Variants in PCP4 observed in about 807,000 individuals in gnomAD.
PCP4 encodes the protein Purkinje cell protein 4.
In PCP4, 8 loss-of-function variants were observed where a neutral mutation model predicts 10.0. The observed-to-expected ratio is 0.80, with a 90% CI of 0.47 to 1.45. The LOEUF (loss-of-function observed/expected upper bound fraction) is 1.45, where lower values mean the gene tolerates loss of function less well. Ranked by LOEUF, PCP4 falls within the 40% of genes most tolerant of loss-of-function variation. The pLI is 0.00. For synonymous variants in PCP4, 21 were observed against 23.0 expected, an observed-to-expected ratio of 0.91 and a Z score of 0.24; for missense variants, 54 against 74.4, an observed-to-expected ratio of 0.73 and a Z score of 1.01.
chr21:39,889,609 G>C (rs554400155), intron 1 of PCP4, among the ~76,000 whole-genome samples: 1 of 151,350 alleles, frequency 6.6e-6, no homozygotes, highest in East Asian at 2.0e-4. Context: ...GTAGAGATGG[G>C]GTTTCACTGT....
At chr21:39,907,562 G>A (rs765331632) in intron 2 of PCP4, among the ~76,000 whole-genome samples, 33 of 152,270 alleles carry the variant, frequency 2.2e-4, no homozygotes, top group Admixed American at 4.6e-4. Flanking sequence ...TTGGGAGGCC[G>A]AGGTGGGTGG....
chr21:39,898,280 C>A, intron 1 of PCP4, 196 bp from the exon 2 acceptor site: 1 of 643,766 alleles, frequency 1.6e-6, no homozygotes, highest in Non-Finnish European at 2.8e-6. Flanking sequence ...ATGAGGGGGC[C>A]GGTCTGTGCA....
rs568921415 is a variant in PCP4 at position 39,880,782 on chromosome 21, G to A, written c.9+13272G>A. Among the ~76,000 whole-genome samples, 9 of 152,272 alleles carry A rather than the reference G, an allele frequency of 5.9e-5. No individual in the cohort carries two copies. The South Asian group carries it at 6.2e-4, about 11-fold the overall frequency. The stretch of plus-strand genomic sequence containing the variant: ...TAAAGAGGTCTACCTTAGTAATTCC[G>A]GGATCAATATGTGCAGATAGGAAGT... On this transcript the variant is annotated intron_variant, in intron 1 of 2. Coordinates refer to ENST00000328619, the MANE Select transcript of PCP4 (RefSeq NM_006198.3).
intron 1 of PCP4, among the ~76,000 whole-genome samples, chr21:39,877,134 A>C (rs11910758): frequency 0.029 from 4,485 of 152,256 alleles, 244 homozygotes; most frequent in African/African-American, 0.1. Flanking sequence ...GATACAACCT[A>C]ATTTCTTTTA....
Position 39,915,711 on chromosome 21 carries a change from GA to G in PCP4, c.62-13272del, listed in dbSNP as rs372907635. Among the ~76,000 whole-genome samples the G allele has an allele frequency of 9.9e-5, 15 of 152,156 alleles. No individual in the cohort carries two copies. In the East Asian group the frequency reaches 2.7e-3, roughly 27 times the overall value. On this transcript the variant is annotated intron_variant, in intron 2 of 2. Transcript: ENST00000328619. ...AGCCAACAGAAAACAGATATGAACA[GA>G]GGGAAAAAATGGGCAAGGGGTGTCT...
chr21:39,882,084 T>C (rs1327015152), intron 1 of PCP4, among the ~76,000 whole-genome samples: 1 of 152,238 alleles, frequency 6.6e-6, no homozygotes, highest in African/African-American at 2.4e-5. Context: ...CTGCTTGCAT[T>C]TGCAGACAGA....
At chr21:39,925,933 G>A (rs978455082) in intron 2 of PCP4, 45 of 426,798 alleles carry the variant, frequency 1.1e-4, no homozygotes, top group Non-Finnish European at 1.8e-4. Flanking sequence ...CTACCTTTGT[G>A]CCTGCTGAAT....
At chr21:39,911,683 G>A (rs928294) in intron 2 of PCP4, among the ~76,000 whole-genome samples, 125,759 of 152,214 alleles carry the variant, frequency 0.83, 52,081 homozygotes, top group Middle Eastern at 0.9. Flanking sequence ...ATGGCAATGG[G>A]ATACTGAGTT....
chr21:39,913,688 G>A (rs1410897900), intron 2 of PCP4, among the ~76,000 whole-genome samples: 3 of 152,142 alleles, frequency 2.0e-5, no homozygotes, highest in African/African-American at 7.2e-5. Context: ...AGCAGTGATG[G>A]GCGTCTATCA....
At chr21:39,887,932 A>G (rs1004859273) in intron 1 of PCP4, among the ~76,000 whole-genome samples, 1 of 152,176 alleles carries the variant, frequency 6.6e-6, no homozygotes, top group Non-Finnish European at 1.5e-5. Context: ...TAATTGTGCG[A>G]GGAATATGCA....
Position 39,898,472 on chromosome 21 carries a change from T to C in PCP4, c.10-4T>C. On this transcript the variant is annotated splice_polypyrimidine_tract_variant and splice_region_variant and intron_variant, in intron 1 of 2. Transcript: ENST00000328619. ...TGCTTTTTTCTTTTATTTTTTGCCT[T>C]TAGCGACAAGGTGCTGGGGCAACCA... 6.2e-7 allele frequency: 1 copy of C among 1,613,664 alleles called. No homozygotes were observed.
chr21:39,889,668 G>A (rs968865402), intron 1 of PCP4, among the ~76,000 whole-genome samples: 4 of 151,804 alleles, frequency 2.6e-5, no homozygotes, highest in African/African-American at 7.3e-5. Flanking sequence ...TGCCTGCCTC[G>A]GCCTCCCAAA....
intron 1 of PCP4, among the ~76,000 whole-genome samples, chr21:39,878,679 A>T (rs1306915344): frequency 6.6e-6 from 1 of 152,194 alleles, no homozygotes; most frequent in African/African-American, 2.4e-5. Flanking sequence ...GTGTACATGG[A>T]TTTAGGTATG....
intron 1 of PCP4, among the ~76,000 whole-genome samples, chr21:39,884,406 C>T (rs1329951494): frequency 5.9e-5 from 9 of 151,860 alleles, no homozygotes; most frequent in East Asian, 2.0e-4. Context: ...CTCAAACTCC[C>T]GACCTCAGGT....
At chr21:39,911,676 G>A (rs1250057393) in intron 2 of PCP4, among the ~76,000 whole-genome samples, 1 of 152,244 alleles carries the variant, frequency 6.6e-6, no homozygotes, top group Non-Finnish European at 1.5e-5. Context: ...CAGCCCCATG[G>A]CAATGGGATA....
At chr21:39,908,308 C>T (rs1290948659) in intron 2 of PCP4, among the ~76,000 whole-genome samples, 1 of 152,118 alleles carries the variant, frequency 6.6e-6, no homozygotes, top group African/African-American at 2.4e-5. Context: ...TCGGTGTAAG[C>T]CCCTCATCCC....
chr21:39,887,006 A>C (rs1455995850), intron 1 of PCP4, among the ~76,000 whole-genome samples: 1 of 152,234 alleles, frequency 6.6e-6, no homozygotes, highest in Admixed American at 6.5e-5. Context: ...CTTCAGCATG[A>C]AAATTGGCAC....
intron 2 of PCP4, among the ~76,000 whole-genome samples, chr21:39,905,699 C>T (rs750000607): frequency 1.4e-4 from 22 of 152,240 alleles, no homozygotes; most frequent in Admixed American, 5.2e-4. Flanking sequence ...TGGACAGAAG[C>T]GGAGATTCCT....
intron 2 of PCP4, among the ~76,000 whole-genome samples, chr21:39,899,239 A>G (rs1186349311): frequency 6.6e-6 from 1 of 152,192 alleles, no homozygotes. Context: ...AAGAACAAGC[A>G]TAATAATAAA....
Sources: allele counts gnomAD v4.1 joint callset (sites outside exome capture counted in the v4.1 genomes callset), GRCh38; gene constraint gnomAD v4.1.1; transcripts MANE v1.5; gene names NCBI Gene and HGNC (gene_info 2026-07-23, HGNC 2026-07-21).